The following ZNF506 variants were observed in gnomAD, a reference collection of about 807,000 sequenced individuals.
ZNF506 encodes zinc finger protein 506.
A neutral mutation model predicts 11.6 loss-of-function variants in ZNF506; 10 were observed. The ratio of observed to expected loss-of-function variants is 0.86; its 90% CI spans 0.53 to 1.46. ZNF506 has a LOEUF of 1.46. Ranked by LOEUF, ZNF506 falls within the 40% of genes most tolerant of loss-of-function variation. The pLI, the probability that ZNF506 is intolerant of heterozygous loss-of-function variation, is 0.00. For synonymous variants in ZNF506, 156 were observed against 173.3 expected, an observed-to-expected ratio of 0.90 and a Z score of 0.78; for missense variants, 425 against 521.2, an observed-to-expected ratio of 0.82 and a Z score of 1.80.
intron 1 of ZNF506, among the ~76,000 whole-genome samples, chr19:19,812,151 G>C (rs1466983273): frequency 2.6e-5 from 4 of 152,184 alleles, no homozygotes; most frequent in African/African-American, 9.7e-5. Context: ...CTTGTATGAG[G>C]GGATGAACAA....
At chr19:19,810,830 G>A (rs1342296868) in intron 1 of ZNF506, among the ~76,000 whole-genome samples, 2 of 152,080 alleles carry the variant, frequency 1.3e-5, no homozygotes, top group East Asian at 3.9e-4. Context: ...AGAAAATTGT[G>A]AGCACCAGCT....
Position 19,806,934 on chromosome 19 carries a change from A to G in ZNF506, c.130+8T>C, listed in dbSNP as rs2062839870. 1 of 1,611,496 alleles carries G rather than the reference A, an allele frequency of 6.2e-7. No individual in the cohort carries two copies. The highest frequency in any genetic ancestry group is 1.7e-5 in the Admixed American group (1 of 59,350). On this transcript the variant is annotated splice_region_variant and intron_variant, in intron 2 of 3. Coordinates refer to ENST00000540806, the MANE Select transcript of ZNF506 (RefSeq NM_001099269.3). ...ATATTATGAATTATGTACTCAAGTT[A>G]TCCTCACCAAGGAAGATCAGGTTTC...
chr19:19,796,304 T>C (rs1299808884), intron 3 of ZNF506: 2 of 152,148 alleles, frequency 1.3e-5, no homozygotes, highest in Admixed American at 1.3e-4. Flanking sequence ...AATATGTAAA[T>C]TGCCAACCCC....
chr19:19,810,327 A>G (rs995693323), intron 1 of ZNF506, among the ~76,000 whole-genome samples: 13 of 152,198 alleles, frequency 8.5e-5, no homozygotes, highest in African/African-American at 3.1e-4. Flanking sequence ...TTACAGACAA[A>G]ACAGAAGGCA....
chr19:19,803,485 G>A lies in ZNF506; in HGVS notation c.226+2546C>T, dbSNP rs192100608. On this transcript the variant is annotated intron_variant, in intron 3 of 3. Coordinates refer to ENST00000540806, the MANE Select transcript of ZNF506 (RefSeq NM_001099269.3). ...TACAACGCCCACCATATGCAGAACCGTGTGCAAAAACATGTCCTAATGTCT... is the reference window on the plus strand; with the variant it reads ...TACAACGCCCACCATATGCAGAACCATGTGCAAAAACATGTCCTAATGTCT... 1.1e-3 allele frequency among the ~76,000 whole-genome samples: 175 copies of A among 152,298 alleles called. No homozygotes were observed. In the Middle Eastern group the frequency reaches 0.024, roughly 21 times the overall value.
At chr19:19,804,633 C>T (rs565693553) in intron 3 of ZNF506, among the ~76,000 whole-genome samples, 29 of 152,266 alleles carry the variant, frequency 1.9e-4, no homozygotes, top group African/African-American at 6.7e-4. Context: ...CACATGCACA[C>T]GTATGTTTAT....
rs1280127749 is a variant in ZNF506 at position 19,793,646 on chromosome 19, T to A, written c.*906A>T. 2.0e-5 allele frequency among the ~76,000 whole-genome samples: 3 copies of A among 152,256 alleles called. No individual in the cohort carries two copies. Among genetic ancestry groups the A allele is most frequent in the Non-Finnish European group, 2.9e-5 (2 of 68,048 alleles). On this transcript the variant is annotated 3_prime_UTR_variant, in exon 4 of 4. Coordinates refer to ENST00000540806, the MANE Select transcript of ZNF506 (RefSeq NM_001099269.3). ...GATTTTTTGACAGTAATTGCACTTT[T>A]ATTGCTTTTATTAACTATGAACCTT...
intron 1 of ZNF506, among the ~76,000 whole-genome samples, chr19:19,811,284 C>T (rs1041311751): frequency 2.0e-5 from 3 of 152,082 alleles, no homozygotes; most frequent in Non-Finnish European, 1.5e-5. Flanking sequence ...CTCAGCCTCC[C>T]AAGTAGCTAG....
intron 3 of ZNF506, among the ~76,000 whole-genome samples, chr19:19,801,369 C>T (rs900578583): frequency 6.6e-6 from 1 of 152,026 alleles, no homozygotes; most frequent in African/African-American, 2.4e-5. Context: ...GTGGTGCACA[C>T]CTGTAGTTCC....
At chr19:19,820,899 TC>T (rs1321855760) in intron 1 of ZNF506, among the ~76,000 whole-genome samples, 1 of 151,916 alleles carries the variant, frequency 6.6e-6, no homozygotes, top group Non-Finnish European at 1.5e-5. Flanking sequence ...GACTCCCCCC[TC>T]CCCGTTTGTG....
chr19:19,817,921 G>A (rs937460266), intron 1 of ZNF506, among the ~76,000 whole-genome samples: 4 of 147,078 alleles, frequency 2.7e-5, no homozygotes, highest in African/African-American at 2.5e-5. Flanking sequence ...TCTGCCTCCC[G>A]GGTTCAAGCC....
At position 19,802,022 on chromosome 19, in the gene ZNF506, T is replaced by C. The variant is rs142968522; in HGVS notation, c.226+4009A>G. Among the ~76,000 whole-genome samples, 315 of 151,670 alleles carry C rather than the reference T, an allele frequency of 2.1e-3. 5 individuals are homozygous for C. Among genetic ancestry groups the C allele is most frequent in the African/African-American group, 7.4e-3 (306 of 41,204 alleles). ...AGTTCAAAGACCAGCCTGACCAACA[T>C]GGTGAAACCCCATCTCTACTAAAAA... On this transcript the variant is annotated intron_variant, in intron 3 of 3. Transcript: ENST00000540806.
intron 3 of ZNF506, chr19:19,798,022 A>G (rs2062757516): frequency 6.6e-6 from 1 of 152,234 alleles, no homozygotes; most frequent in African/African-American, 2.4e-5. Flanking sequence ...AGAAAATAAC[A>G]TAATGCAAGA....
chr19:19,815,215 G>A (rs1343098725), intron 1 of ZNF506, among the ~76,000 whole-genome samples: 2 of 152,176 alleles, frequency 1.3e-5, no homozygotes, highest in African/African-American at 4.8e-5. Context: ...AGCCGAGATC[G>A]CGCCACTGCA....
intron 3 of ZNF506, among the ~76,000 whole-genome samples, chr19:19,801,835 A>G (rs867240835): frequency 6.6e-6 from 1 of 151,676 alleles, no homozygotes; most frequent in African/African-American, 2.4e-5. Context: ...ACTAATGTGG[A>G]ACTTCAAAAC....
intron 3 of ZNF506, among the ~76,000 whole-genome samples, chr19:19,804,195 G>C (rs527657448): frequency 6.6e-6 from 1 of 152,040 alleles, no homozygotes; most frequent in Non-Finnish European, 1.5e-5. Flanking sequence ...ATCTGACAAA[G>C]GGCTAATATC....
rs557762318 is a variant in ZNF506 at position 19,804,940 on chromosome 19, G to A, written c.226+1091C>T. 9.1e-3 allele frequency among the ~76,000 whole-genome samples: 1,385 copies of A among 152,066 alleles called. 10 individuals carry two copies. The highest frequency in any genetic ancestry group is 0.029 in the South Asian group (142 of 4,814). ...ACACACCGGGGCCTGTCATGGGGTG[G>A]GGGGATGGGGGAGGGATAGCATTAG... On this transcript the variant is annotated intron_variant, in intron 3 of 3. Coordinates refer to ENST00000540806, the MANE Select transcript of ZNF506 (RefSeq NM_001099269.3).
rs755892139 is a variant in ZNF506 at position 19,795,532 on chromosome 19, T to TC, written c.354_355insG (p.Ser119GlufsTer4). The TC allele has an allele frequency of 2.6e-5, 42 of 1,598,038 alleles. No individual in the cohort carries two copies. Among genetic ancestry groups the TC allele is most frequent in the African/African-American group, 4.1e-5 (3 of 73,862 alleles). ...TTGTGCACTGGACACTCATCTACAC[T>TC]TTCACAGCCTTTTTTTAACTGTAAA... On this transcript the variant is annotated frameshift_variant, in exon 4 of 4. Transcript: ENST00000540806. LOFTEE classifies it low-confidence loss of function (END_TRUNC).
intron 3 of ZNF506, among the ~76,000 whole-genome samples, chr19:19,799,635 G>A (rs1174955169): frequency 1.3e-5 from 2 of 152,112 alleles, no homozygotes; most frequent in East Asian, 1.9e-4. Context: ...TTGGCTGGGT[G>A]CGGTGGCTCA....
Sources: allele counts gnomAD v4.1 joint callset (sites outside exome capture counted in the v4.1 genomes callset), GRCh38; gene constraint gnomAD v4.1.1; transcripts MANE v1.5; gene names NCBI Gene and HGNC (gene_info 2026-07-23, HGNC 2026-07-21).